The following SYN2 variants were observed in gnomAD, a reference collection of about 807,000 sequenced individuals.
SYN2 encodes synapsin-2.
A neutral mutation model predicts 50.9 loss-of-function variants in SYN2; 19 were observed. That is an observed-to-expected ratio of 0.37 (90% CI 0.26 to 0.55). The LOEUF is 0.55. Ranked by LOEUF, SYN2 falls within the 20% of genes least tolerant of loss-of-function variation. The probability of loss-of-function intolerance (pLI) is 0.81; values close to 1 mark genes in which losing one functional copy is unlikely to be tolerated. For missense variants in SYN2, 587 were observed against 576.4 expected, an observed-to-expected ratio of 1.02 and a Z score of -0.19; for synonymous variants, 255 against 224.9, an observed-to-expected ratio of 1.13 and a Z score of -1.20.
At chr3:12,054,028 G>A (rs543731442) in intron 1 of SYN2, among the ~76,000 whole-genome samples, 2 of 152,244 alleles carry the variant, frequency 1.3e-5, no homozygotes, top group Admixed American at 6.5e-5. Context: ...AGTAGGGGGA[G>A]TGAGGCAGGA....
intron 1 of SYN2, among the ~76,000 whole-genome samples, chr3:12,106,512 G>A (rs1237122910): frequency 6.6e-6 from 1 of 152,130 alleles, no homozygotes; most frequent in Non-Finnish European, 1.5e-5. Context: ...TAAGAGTCTT[G>A]AGAACAGGTT....
At chr3:12,055,624 G>A (rs1051385308) in intron 1 of SYN2, among the ~76,000 whole-genome samples, 4 of 152,102 alleles carry the variant, frequency 2.6e-5, no homozygotes, top group African/African-American at 9.7e-5. Flanking sequence ...AACTGTTTGA[G>A]GCTTTAAAAA....
intron 1 of SYN2, among the ~76,000 whole-genome samples, chr3:12,100,032 C>G (rs1304833309): frequency 6.9e-6 from 1 of 144,560 alleles, no homozygotes; most frequent in African/African-American, 2.6e-5. Context: ...AGAATAAGAT[C>G]TAAATAAGTG....
chr3:12,152,956 C>G, intron 5 of SYN2: 2 of 185,558 alleles, frequency 1.1e-5, no homozygotes, highest in East Asian at 2.4e-4. Context: ...TTCTGGCTCT[C>G]ACATTGAGTG....
intron 1 of SYN2, among the ~76,000 whole-genome samples, chr3:12,026,568 A>C (rs1656684908): frequency 6.6e-6 from 1 of 152,146 alleles, no homozygotes; most frequent in African/African-American, 2.4e-5. Flanking sequence ...CACTAGATGG[A>C]GTAGGAGATT....
At chr3:12,099,943 C>T (rs532386875) in intron 1 of SYN2, among the ~76,000 whole-genome samples, 41 of 112,816 alleles carry the variant, frequency 3.6e-4, no homozygotes, top group African/African-American at 1.4e-3. Flanking sequence ...CCAGACTGAG[C>T]GACAGAGTGA....
At chr3:12,186,570 A>G (rs983199145) in intron 11 of SYN2, among the ~76,000 whole-genome samples, 1 of 152,178 alleles carries the variant, frequency 6.6e-6, no homozygotes, top group Non-Finnish European at 1.5e-5. Context: ...TCATCCTGCT[A>G]GAACCCCTTG....
At chr3:12,021,504 C>G (rs1694133679) in intron 1 of SYN2, among the ~76,000 whole-genome samples, 1 of 152,146 alleles carries the variant, frequency 6.6e-6, no homozygotes, top group Non-Finnish European at 1.5e-5. Flanking sequence ...TGTCATGCTA[C>G]TTTGGAGGCT....
chr3:12,070,976 T>TC (rs1695339451), intron 1 of SYN2: 2 of 548,002 alleles, frequency 3.6e-6, no homozygotes, highest in Non-Finnish European at 7.3e-6. Context: ...GACAGCCTGG[T>TC]CATCACCATT....
chr3:12,130,291 T>G (rs1559432164), intron 1 of SYN2, among the ~76,000 whole-genome samples: 1 of 152,016 alleles, frequency 6.6e-6, no homozygotes, highest in Non-Finnish European at 1.5e-5. Context: ...TTCACAGTTA[T>G]GAGGCTGAGA....
chr3:12,094,296 G>A (rs1278509676), intron 1 of SYN2, among the ~76,000 whole-genome samples: 1 of 152,168 alleles, frequency 6.6e-6, no homozygotes, highest in African/African-American at 2.4e-5. Flanking sequence ...AGTATCATTG[G>A]GTTGGCCCCA....
chr3:12,189,115 T>C (rs1698400031), intron 12 of SYN2, among the ~76,000 whole-genome samples: 1 of 151,954 alleles, frequency 6.6e-6, no homozygotes, highest in Non-Finnish European at 1.5e-5. Flanking sequence ...TAGAAGGGAG[T>C]TTCTCCTGAG....
At chr3:12,164,583 G>A (rs1697734211) in intron 7 of SYN2, among the ~76,000 whole-genome samples, 1 of 152,166 alleles carries the variant, frequency 6.6e-6, no homozygotes, top group South Asian at 2.1e-4. Context: ...TCCAGAGACA[G>A]CCACTTTGGT....
intron 1 of SYN2, among the ~76,000 whole-genome samples, chr3:12,038,316 C>G (rs898387970): frequency 6.6e-6 from 1 of 152,022 alleles, no homozygotes; most frequent in Non-Finnish European, 1.5e-5. Context: ...ATCTTCATTA[C>G]TGTAGCTTTG....
chr3:12,171,812 T>C (rs1697943392), intron 10 of SYN2, among the ~76,000 whole-genome samples: 1 of 152,216 alleles, frequency 6.6e-6, no homozygotes. Flanking sequence ...AAATGGTATC[T>C]AAAGTATAAA....
intron 1 of SYN2, among the ~76,000 whole-genome samples, chr3:12,048,457 G>GGGT (rs955625871): frequency 1.3e-5 from 2 of 152,144 alleles, no homozygotes; most frequent in African/African-American, 4.8e-5. Flanking sequence ...GGGATTCTAG[G>GGGT]GGTGACCCAC....
intron 1 of SYN2, among the ~76,000 whole-genome samples, chr3:12,138,581 A>G (rs1293594318): frequency 6.6e-6 from 1 of 152,204 alleles, no homozygotes; most frequent in Non-Finnish European, 1.5e-5. Flanking sequence ...ATGTTATTTA[A>G]TTGTCCTGGG....
rs146557847 is a variant in SYN2, at chr3:12,181,816, G to C, written c.1309-1496G>C. Among the ~76,000 whole-genome samples, 18 of 152,304 alleles carry C rather than the reference G, an allele frequency of 1.2e-4. No individual in the cohort carries two copies. In the East Asian group the frequency reaches 2.9e-3, roughly 24 times the overall value. On this transcript the variant is annotated intron_variant, in intron 10 of 12. Coordinates refer to ENST00000621198, the MANE Select transcript of SYN2 (RefSeq NM_133625.6). ...AGATGGTGACTCAGATACCAGGAGG[G>C]AAAAGTGGAGGAGTCCTGAAGGCTG...
At chr3:12,111,466 GGTT>G (rs935636604) in intron 1 of SYN2, among the ~76,000 whole-genome samples, 8 of 152,082 alleles carry the variant, frequency 5.3e-5, no homozygotes, top group African/African-American at 1.2e-4. Context: ...CCTCAATAAA[GGTT>G]GTTATTATTT....
Sources: gnomAD v4.1 joint callset for allele counts (sites outside exome capture counted in the v4.1 genomes callset) on GRCh38, gnomAD v4.1.1 for gene constraint, MANE v1.5 for transcripts, NCBI Gene and HGNC (gene_info 2026-07-23, HGNC 2026-07-21) for gene names.